TMEM132D: variants seen among roughly 807,000 people sequenced by gnomAD.
TMEM132D encodes mature OL transmembrane protein.
A neutral mutation model predicts 62.3 loss-of-function variants in TMEM132D; 21 were observed. The ratio of observed to expected loss-of-function variants is 0.34; its 90% confidence interval spans 0.24 to 0.49. The LOEUF is 0.49. TMEM132D is among the 20% of genes least tolerant of loss of function. The probability of loss-of-function intolerance (pLI) is 0.99; values close to 1 mark genes in which losing one functional copy is unlikely to be tolerated. For missense variants in TMEM132D, 1,346 were observed against 1,402.8 expected (o/e 0.96, Z 0.65); for synonymous variants, 621 against 575.6 (o/e 1.08, Z -1.13).
chr12:129,614,222 C>T (rs1426130725), intron 2 of TMEM132D, among the ~76,000 whole-genome samples: 1 of 152,270 alleles, frequency 6.6e-6, no homozygotes, highest in Non-Finnish European at 1.5e-5. Flanking sequence ...GTGAGGACTG[C>T]ACTTGTTGCA....
chr12:129,201,215 A>G (rs895223892), intron 5 of TMEM132D, among the ~76,000 whole-genome samples: 1 of 152,240 alleles, frequency 6.6e-6, no homozygotes, highest in Non-Finnish European at 1.5e-5. Flanking sequence ...TTGCAACAAC[A>G]AAAACAAAAA....
At chr12:129,252,879 A>G (rs112037930) in intron 4 of TMEM132D, among the ~76,000 whole-genome samples, 6,427 of 152,150 alleles carry the variant, frequency 0.042, 325 homozygotes, top group East Asian at 0.26. Context: ...GGATGAGTTC[A>G]TGTCCTTTGT....
At chr12:129,560,273 T>A (rs139745902) in intron 2 of TMEM132D, among the ~76,000 whole-genome samples, 106,295 of 139,610 alleles carry the variant, frequency 0.76, 38,739 homozygotes, top group East Asian at 0.93. Context: ...TTGTTTTCTT[T>A]TTTTTTTTTT....
At chr12:129,273,581 C>T (rs947987692) in intron 4 of TMEM132D, among the ~76,000 whole-genome samples, 1 of 151,820 alleles carries the variant, frequency 6.6e-6, no homozygotes, top group South Asian at 2.1e-4. Context: ...GAATATTATG[C>T]AGCCATAACA....
intron 5 of TMEM132D, among the ~76,000 whole-genome samples, chr12:129,126,480 A>G (rs1481347569): frequency 1.3e-5 from 2 of 151,532 alleles, no homozygotes; most frequent in South Asian, 2.1e-4. Flanking sequence ...GGTGTCTTCT[A>G]TCTTAGTTTA....
chr12:129,280,493 A>G (rs1881112196), intron 4 of TMEM132D, among the ~76,000 whole-genome samples: 1 of 152,226 alleles, frequency 6.6e-6, no homozygotes, highest in Non-Finnish European at 1.5e-5. Flanking sequence ...TGAAAATCAG[A>G]TGATTGTTTC....
chr12:129,581,606 A>G (rs1877866162), intron 2 of TMEM132D, among the ~76,000 whole-genome samples: 1 of 152,238 alleles, frequency 6.6e-6, no homozygotes, highest in Admixed American at 6.5e-5. Context: ...AGCATCCAGC[A>G]TGGGAGAAAG....
intron 3 of TMEM132D, among the ~76,000 whole-genome samples, chr12:129,488,218 C>T (rs1874649976): frequency 6.6e-6 from 1 of 152,160 alleles, no homozygotes; most frequent in East Asian, 1.9e-4. Flanking sequence ...AACTTTGTTA[C>T]AGCAACACAA....
intron 2 of TMEM132D, among the ~76,000 whole-genome samples, chr12:129,559,652 C>A (rs1877159878): frequency 6.6e-6 from 1 of 152,140 alleles, no homozygotes; most frequent in Non-Finnish European, 1.5e-5. Flanking sequence ...ATGATGTAAC[C>A]TAGAATTCTT....
rs35875993 is a variant in TMEM132D, at chr12:129,354,315, G to GTATATATATATATATA, written c.1116-16514_1116-16499dup. 4.7e-3 allele frequency among the ~76,000 whole-genome samples: 698 copies of GTATATATATATATATA among 147,980 alleles called. 8 individuals carry two copies. Among genetic ancestry groups the GTATATATATATATATA allele is most frequent in the African/African-American group, 0.017 (666 of 39,654 alleles). On this transcript the variant is annotated intron_variant, in intron 3 of 8. Coordinates refer to ENST00000422113, the MANE Select transcript of TMEM132D (RefSeq NM_133448.3). ...TGATGCAAAAACTAAACTTTATTGG[G>GTATATATATATATATA]TATATATATATATATATACATATTT...
chr12:129,452,046 A>G (rs1267086914), intron 3 of TMEM132D, among the ~76,000 whole-genome samples: 1 of 152,210 alleles, frequency 6.6e-6, no homozygotes, highest in Non-Finnish European at 1.5e-5. Flanking sequence ...GTCAGTTTAA[A>G]GAGACGAAAT....
chr12:129,776,788 CA>C (rs148740560), intron 1 of TMEM132D, among the ~76,000 whole-genome samples: 5,056 of 68,442 alleles, frequency 0.074, 126 homozygotes, highest in East Asian at 0.21. Context: ...TAATGGGCTT[CA>C]AAAAAAAAAA....
chr12:129,768,295 A>G (rs1235665234), intron 1 of TMEM132D, among the ~76,000 whole-genome samples: 4 of 152,108 alleles, frequency 2.6e-5, no homozygotes, highest in Admixed American at 6.5e-5. Flanking sequence ...GAAATGCCAT[A>G]TTGTTTCCAT....
chr12:129,619,439 G>A (rs1006533013), intron 2 of TMEM132D, among the ~76,000 whole-genome samples: 1 of 152,108 alleles, frequency 6.6e-6, no homozygotes, highest in Non-Finnish European at 1.5e-5. Flanking sequence ...GCCAATGAAC[G>A]ACTTATGACC....
rs756460483 is a variant in TMEM132D at position 129,075,013 on chromosome 12, G to A, written c.2162C>T (p.Thr721Met). The change falls in exon 9 of 9, where the codon ACG becomes ATG. Residue 721 changes from threonine to methionine, a missense_variant. Physicochemically the swap from Thr to Met is moderately conservative, Grantham distance 81. Transcript: ENST00000422113. ...TTTCCCATCGTAAATATCCAAGGGC[G>A]TGACTGAGCCATCACTGAACTGGAC... is the stretch of plus-strand genomic sequence containing the variant. ...CWVQFSDGSV[T>M]PLDIYDGKDF... The A allele has an allele frequency of 1.3e-5, 21 of 1,612,656 alleles. No homozygotes were observed. Among genetic ancestry groups the A allele is most frequent in the Admixed American group, 1.0e-4 (6 of 59,980 alleles).
At chr12:129,112,268 G>C (rs1875732383) in intron 5 of TMEM132D, among the ~76,000 whole-genome samples, 1 of 152,214 alleles carries the variant, frequency 6.6e-6, no homozygotes, top group Non-Finnish European at 1.5e-5. Flanking sequence ...AGGACAGGCA[G>C]AATCCTCAGG....
chr12:129,594,582 A>G (rs139496355), intron 2 of TMEM132D, among the ~76,000 whole-genome samples: 2 of 152,354 alleles, frequency 1.3e-5, no homozygotes, highest in East Asian at 3.9e-4. Flanking sequence ...CTAAGATTAG[A>G]GAACACATGC....
intron 1 of TMEM132D, among the ~76,000 whole-genome samples, chr12:129,828,689 AAGGG>A (rs144420106): frequency 0.075 from 347 of 4,626 alleles, 34 homozygotes; most frequent in African/African-American, 0.19. Context: ...GGGAGGAAGG[AAGGG>A]AGGGAGGGAG....
chr12:129,079,807 A>G (rs1320084520), intron 7 of TMEM132D, among the ~76,000 whole-genome samples: 3 of 152,152 alleles, frequency 2.0e-5, no homozygotes, highest in Admixed American at 1.3e-4. Context: ...GGACAAGTGA[A>G]TTTATGACTC....
Sources: allele counts gnomAD v4.1 joint callset (sites outside exome capture counted in the v4.1 genomes callset), GRCh38; gene constraint gnomAD v4.1.1; transcripts MANE v1.5; gene names NCBI Gene and HGNC (gene_info 2026-07-23, HGNC 2026-07-21).